The following SLITRK3 variants were observed in gnomAD, a reference collection of about 807,000 sequenced individuals.
The protein encoded by SLITRK3 is SLIT and NTRK like family member 3, also known as SLIT and NTRK-like protein 3.
Under a neutral mutation model 63.6 loss-of-function variants are expected in SLITRK3, and 16 were observed. The observed-to-expected ratio is 0.25, with a 90% confidence interval of 0.17 to 0.38. The LOEUF is 0.38. Among genes scored for constraint, SLITRK3 ranks in the 10% least tolerant of loss-of-function variants. The probability of loss-of-function intolerance (pLI) is 1.00; values close to 1 mark genes in which losing one functional copy is unlikely to be tolerated. For synonymous variants in SLITRK3, 547 were observed against 451.6 expected (o/e 1.21, Z -2.68); for missense variants, 1,117 against 1,181.4 (o/e 0.95, Z 0.80).
intron 1 of SLITRK3, among the ~76,000 whole-genome samples, chr3:165,192,594 T>C (rs1420520056): frequency 6.6e-6 from 1 of 151,146 alleles, no homozygotes; most frequent in East Asian, 1.9e-4. Context: ...AAAAAAAAGC[T>C]TGAGTTTAAG....
chr3:165,189,079 A>G lies in SLITRK3; in HGVS notation c.1752T>C (p.Ser584=), dbSNP rs1412359889. Reference sequence around the variant, plus strand: ...TCCTGCAAAGCACATCACCAACCACACTGACTGAGCTGATGGTTTCGATCC... The same window carrying G: ...TCCTGCAAAGCACATCACCAACCACGCTGACTGAGCTGATGGTTTCGATCC... ...KQWIETISSV[S]VVGDVLCRSP... The change falls in exon 2 of 2, where the codon AGT becomes AGC. Residue 584 remains serine (S), a synonymous_variant. Coordinates refer to ENST00000475390, the MANE Select transcript of SLITRK3 (RefSeq NM_001318810.2). This position sits in a 1 kb window ranked among gnomAD's most constrained non-coding sequence, Gnocchi z 4.0. 1 of 1,614,148 alleles carries G rather than the reference A, an allele frequency of 6.2e-7. No homozygotes were observed. The highest frequency in any genetic ancestry group is 1.7e-5 in the Admixed American group (1 of 60,022).
Position 165,188,484 on chromosome 3 carries a change from G to A in SLITRK3, c.2347C>T (p.Gln783Ter). The change falls in exon 2 of 2, where the codon CAA (glutamine) becomes TAA (stop). Residue 783 changes from glutamine to a stop codon, truncating the protein, a stop_gained. Coordinates refer to ENST00000475390, the MANE Select transcript of SLITRK3 (RefSeq NM_001318810.2). LOFTEE classifies it high-confidence loss of function. ...GSAERGGPGT[Q>*]PPGMGEALLG... Reference sequence around the variant, plus strand: ...AGAGCCTCACCCATTCCCGGTGGTTGTGTCCCTGGACCCCCACGTTCTGCA... The same window carrying A: ...AGAGCCTCACCCATTCCCGGTGGTTATGTCCCTGGACCCCCACGTTCTGCA... 6.2e-7 allele frequency: 1 copy of A among 1,613,994 alleles called. No homozygotes were observed. The highest frequency in any genetic ancestry group is 1.1e-5 in the South Asian group (1 of 91,068).
chr3:165,196,910 T>TCG, upstream of SLITRK3: 1 of 146,096 alleles, frequency 6.8e-6, no homozygotes, highest in African/African-American at 2.5e-5. Context: ...TCTCTCTCTC[T>TCG]CTCTCTCTCT....
chr3:165,196,911 C>CTCTCTCTCTCTCTCTG, upstream of SLITRK3: 1 of 146,544 alleles, frequency 6.8e-6, no homozygotes, highest in Non-Finnish European at 1.5e-5. Context: ...CTCTCTCTCT[C>CTCTCTCTCTCTCTCTG]TCTCTCTCTC....
intron 1 of SLITRK3, among the ~76,000 whole-genome samples, chr3:165,191,803 GT>G (rs1270660115): frequency 2.6e-5 from 4 of 152,206 alleles, no homozygotes; most frequent in African/African-American, 9.6e-5. Flanking sequence ...TAGAGGGGAG[GT>G]GGGTAGTTAA....
rs1718006132 is a variant in SLITRK3, at chr3:165,187,732, A to C, written c.*165T>G. The C allele has an allele frequency of 1.8e-6, 1 of 552,938 alleles. No individual in the cohort carries two copies. Among genetic ancestry groups the C allele is most frequent in the Non-Finnish European group, 3.2e-6 (1 of 316,578 alleles). 34.3% of individuals were successfully genotyped at this position (552,938 alleles called of 1,614,324 possible). On this transcript the variant is annotated 3_prime_UTR_variant, in exon 2 of 2. Coordinates refer to ENST00000475390, the MANE Select transcript of SLITRK3 (RefSeq NM_001318810.2). ...AATCGCATCTGAGAGGGGAGAGCAT[A>C]CATCTGTATTCTCTAGTTATCATGC... is the stretch of plus-strand genomic sequence containing the variant.
At position 165,190,720 on chromosome 3, in the gene SLITRK3, T is replaced by C. The variant is rs1718182278; in HGVS notation, c.111A>G (p.Ser37=). ...WTTPIPLIED[S]EEIDEPCFDP... ...CAAAACAGGGCTCATCTATTTCCTC[T>C]GAGTCCTCTATTAGGGGAATCGGGG... Residue 37 remains serine, a synonymous_variant, in exon 2 of 2, where the codon TCA becomes TCG. Coordinates refer to ENST00000475390, the MANE Select transcript of SLITRK3 (RefSeq NM_001318810.2). 2 of 1,614,008 alleles carry C rather than the reference T, an allele frequency of 1.2e-6. No homozygotes were observed. Among genetic ancestry groups the C allele is most frequent in the Admixed American group, 3.3e-5 (2 of 60,002 alleles).
rs1478735221 is a variant in SLITRK3 at position 165,188,045 on chromosome 3, G to A, written c.2786C>T (p.Ala929Val). Residue 929 changes from alanine (A) to valine (V), a missense_variant, in exon 2 of 2, where the codon GCC becomes GTC. Physicochemically the swap from Ala to Val is moderately conservative, Grantham distance 64. This residue lies in a region of SLITRK3 where 499 missense variants were observed against 463.6 expected (regional missense o/e 1.08). Transcript: ENST00000475390. ...GAAGAGAAGGGTTTCTTTGAGCCTG[G>A]CATCCTGCTGTAAGTCTGGGTATTG... ...GMQYPDLQQD[A>V]RLKETLLFSA... The A allele has an allele frequency of 6.2e-7, 1 of 1,613,852 alleles. No individual in the cohort carries two copies. The highest frequency in any genetic ancestry group is 1.1e-5 in the South Asian group (1 of 91,052).
chr3:165,189,311 T>C lies in SLITRK3; in HGVS notation c.1520A>G (p.Lys507Arg). ...PAAFSLMPNL[K>R]LLFLNNNLLR... ...TAAGTTATTATTGAGGAATAGCAGC[T>C]TCAAGTTGGGCATGAGGCTGAAGGC... is the stretch of plus-strand genomic sequence containing the variant. The change falls in exon 2 of 2, where the codon AAG becomes AGG. Residue 507 changes from lysine (K) to arginine (R), a missense_variant. Coordinates refer to ENST00000475390, the MANE Select transcript of SLITRK3 (RefSeq NM_001318810.2). The surrounding 1 kb of genome is among the most constrained non-coding windows in gnomAD (Gnocchi z 4.0). 1 of 1,614,168 alleles carries C rather than the reference T, an allele frequency of 6.2e-7. No individual in the cohort carries two copies.
chr3:165,188,074 G>A lies in SLITRK3; in HGVS notation c.2757C>T (p.Gly919=). The A allele has an allele frequency of 6.2e-7, 1 of 1,613,826 alleles. No homozygotes were observed. Among genetic ancestry groups the A allele is most frequent in the Non-Finnish European group, 8.5e-7 (1 of 1,179,992 alleles). The change falls in exon 2 of 2, where the codon GGC becomes GGT. Residue 919 remains glycine (G), a synonymous_variant. Coordinates refer to ENST00000475390, the MANE Select transcript of SLITRK3 (RefSeq NM_001318810.2). ...CCTGCTGTAAGTCTGGGTATTGCAT[G>A]CCAGGAGGGTGCACGTGCAGTTCCT... is the stretch of plus-strand genomic sequence containing the variant. ...KLKELHVHPP[G]MQYPDLQQDA... is the part of the protein sequence containing the mutation.
In SLITRK3 at chr3:165,188,877, G is replaced by A; in HGVS notation, c.1954C>T (p.Pro652Ser). The stretch of plus-strand genomic sequence containing the variant: ...AGGCTGAGAATTAACACAGAAAGTG[G>A]CACAGGGCCCCCAGGAGGAGAAAAC... ...YEFSPPGGPV[P>S]LSVLILSLLV... The change falls in exon 2 of 2, where the codon CCA becomes TCA. Residue 652 changes from proline to serine, a missense_variant. This residue lies in a region of SLITRK3 where 499 missense variants were observed against 463.6 expected (regional missense o/e 1.08). Transcript: ENST00000475390. 1.9e-6 allele frequency: 3 copies of A among 1,614,120 alleles called. No individual in the cohort carries two copies. Among genetic ancestry groups the A allele is most frequent in the Non-Finnish European group, 1.7e-6 (2 of 1,180,000 alleles).
chr3:165,192,896 A>C (rs1718286686), intron 1 of SLITRK3, among the ~76,000 whole-genome samples: 1 of 152,136 alleles, frequency 6.6e-6, no homozygotes, highest in Admixed American at 6.5e-5. Flanking sequence ...ATCACTGGGC[A>C]CTGGGAGGAA....
Position 165,189,584 on chromosome 3 carries a change from C to A in SLITRK3, c.1247G>T (p.Ser416Ile). 6.2e-7 allele frequency: 1 copy of A among 1,614,134 alleles called. No individual in the cohort carries two copies. Among genetic ancestry groups the A allele is most frequent in the Non-Finnish European group, 8.5e-7 (1 of 1,180,012 alleles). The change falls in exon 2 of 2, where the codon AGT becomes ATT. Residue 416 changes from serine (S) to isoleucine (I), a missense_variant. This residue lies in a region of SLITRK3 where 452 missense variants were observed against 495.3 expected (regional missense o/e 0.91). Coordinates refer to ENST00000475390, the MANE Select transcript of SLITRK3 (RefSeq NM_001318810.2). The surrounding 1 kb of genome is among the most constrained non-coding windows in gnomAD (Gnocchi z 4.0). ...RPLNAKKLYL[S>I]SNLIQKIYRS... ...GTATATTTTCTGAATCAGATTGCTA[C>A]TCAGATACAGTTTCTTGGCATTCAA...
At position 165,190,334 on chromosome 3, in the gene SLITRK3, C is replaced by T; in HGVS notation, c.497G>A (p.Ser166Asn). 1 of 1,614,156 alleles carries T rather than the reference C, an allele frequency of 6.2e-7. No homozygotes were observed. The highest frequency in any genetic ancestry group is 8.5e-7 in the Non-Finnish European group (1 of 1,180,026). The change falls in exon 2 of 2, where the codon AGT becomes AAT. Residue 166 changes from serine to asparagine, a missense_variant. Ser to Asn is a conservative substitution (Grantham distance 46, BLOSUM62 1). Coordinates refer to ENST00000475390, the MANE Select transcript of SLITRK3 (RefSeq NM_001318810.2). ...ADYNVIKRIESGAFRNLSKLR... is the reference protein window; with the variant it reads ...ADYNVIKRIENGAFRNLSKLR... ...TTTACTTAGGTTCCGAAATGCCCCA[C>T]TCTCAATACGTTTAATGACATTGTA...
intron 1 of SLITRK3, among the ~76,000 whole-genome samples, chr3:165,193,270 A>C (rs62282369): frequency 7.3e-6 from 1 of 137,278 alleles, no homozygotes. Flanking sequence ...GGGGGCAGGG[A>C]TAGGCATTTT....
intron 1 of SLITRK3, among the ~76,000 whole-genome samples, chr3:165,192,115 T>C (rs1718250700): frequency 6.6e-6 from 1 of 152,180 alleles, no homozygotes; most frequent in Non-Finnish European, 1.5e-5. Context: ...TTCTAGCATA[T>C]ATTTTCCTCA....
chr3:165,194,046 G>T (rs1718333849), intron 1 of SLITRK3, among the ~76,000 whole-genome samples: 1 of 152,108 alleles, frequency 6.6e-6, no homozygotes, highest in Admixed American at 6.5e-5. Context: ...AAACTGGGGA[G>T]AGCCAAGTGT....
At chr3:165,196,897 G>GTCTCTCTCTGTCTCTCTCTCTC (rs1718450783), upstream of SLITRK3, 9 of 96,466 alleles carry the variant, frequency 9.3e-5, no homozygotes, top group African/African-American at 3.3e-4. Context: ...CTCTCTCTCT[G>GTCTCTCTCTGTCTCTCTCTCTC]TCTCTCTCTC....
rs577713682 is a variant in SLITRK3, at chr3:165,189,753, T to C, written c.1078A>G (p.Ile360Val). The C allele has an allele frequency of 1.4e-5, 23 of 1,613,920 alleles. No homozygotes were observed. The highest frequency in any genetic ancestry group is 1.3e-4 in the Admixed American group (8 of 59,976). ...GGTGGTCTGGTCTGATAAGGAGCAA[T>C]GGGAGGCTGGTTTGGACCAGGATAT... ...ALYPGPNQPP[I>V]APYQTRPPIP... is the part of the protein sequence containing the mutation. Residue 360 changes from isoleucine (I) to valine (V), a missense_variant, in exon 2 of 2, where the codon ATT becomes GTT. This residue lies in a region of SLITRK3 where 452 missense variants were observed against 495.3 expected (regional missense o/e 0.91). Coordinates refer to ENST00000475390, the MANE Select transcript of SLITRK3 (RefSeq NM_001318810.2). The surrounding 1 kb of genome is among the most constrained non-coding windows in gnomAD (Gnocchi z 4.0).
Sources: gnomAD v4.1 joint callset for allele counts (sites outside exome capture counted in the v4.1 genomes callset) on GRCh38, gnomAD v4.1.1 for gene constraint, gnomAD v4.1.1 regional missense constraint, Gnocchi (gnomAD v3.1) non-coding constraint, MANE v1.5 for transcripts, NCBI Gene and HGNC (gene_info 2026-07-23, HGNC 2026-07-21) for gene names.